INCENP: variants seen among roughly 807,000 people sequenced by gnomAD.
The protein encoded by INCENP is inner centromere protein, also known as binds and activates aurora-B and -C in vivo and in vitro.
A neutral mutation model predicts 107.3 loss-of-function variants in INCENP; 43 were observed. The ratio of observed to expected loss-of-function variants is 0.40; its 90% CI spans 0.31 to 0.52. The LOEUF (loss-of-function observed/expected upper bound fraction) is 0.52, where lower values mean the gene tolerates loss of function less well. INCENP is among the 20% of genes least tolerant of loss of function. The pLI is 0.53. For synonymous variants in INCENP, 488 were observed against 494.4 expected, an observed-to-expected ratio of 0.99 and a Z score of 0.17; for missense variants, 1,089 against 1,250.9, an observed-to-expected ratio of 0.87 and a Z score of 1.95.
rs1944343401 is a variant in INCENP, at chr11:62,150,150, G to A, written c.2485G>A (p.Asp829Asn). The A allele has an allele frequency of 1.9e-6, 3 of 1,613,950 alleles. No homozygotes were observed. The highest frequency in any genetic ancestry group is 2.5e-6 in the Non-Finnish European group (3 of 1,180,034). Residue 829 changes from aspartate (D) to asparagine (N), a missense_variant, in exon 18 of 19, where the codon GAC becomes AAC. By Grantham distance (23) the Asp-to-Asn change is conservative. Transcript: ENST00000394818. ...PDNYGMDLNSDDSTDDEAHPR... is the reference protein window; with the variant it reads ...PDNYGMDLNSNDSTDDEAHPR... ...TAACTACGGGATGGATCTGAATAGC[G>A]ACGACTCCACCGATGATGAGGCCCA...
chr11:62,149,183 C>T (rs932180298), intron 17 of INCENP, among the ~76,000 whole-genome samples: 1 of 151,818 alleles, frequency 6.6e-6, no homozygotes, highest in South Asian at 2.1e-4. Context: ...CTCTCTCTCT[C>T]TTTCACCCAT....
chr11:62,135,952 G>A (rs1213249340), intron 4 of INCENP, among the ~76,000 whole-genome samples: 1 of 152,106 alleles, frequency 6.6e-6, no homozygotes, highest in African/African-American at 2.4e-5. Context: ...TGGGACTACA[G>A]GCGCCCACCA....
rs778849975 is a variant in INCENP at position 62,146,858 on chromosome 11, AGAGCAGGAGCGTCGGCGG to A, written c.2172_2189del (p.Arg725_Arg730del). 13 of 1,582,942 alleles carry A rather than the reference AGAGCAGGAGCGTCGGCGG, an allele frequency of 8.2e-6. No homozygotes were observed. Among genetic ancestry groups the A allele is most frequent in the East Asian group, 2.3e-5 (1 of 43,884 alleles). On this transcript the variant is annotated inframe_deletion, in exon 15 of 19. Transcript: ENST00000394818. ...GGCGCGAGCAGGAGCGACAGCTGGC[AGAGCAGGAGCGTCGGCGG>A]GAGCAGGAGCGGCTCCAGGCCGAGA...
intron 4 of INCENP, 111 bp downstream of exon 4, chr11:62,130,701 G>A: frequency 2.1e-6 from 2 of 950,180 alleles, no homozygotes; most frequent in African/African-American, 1.7e-5. Context: ...CTGCAGTGAG[G>A]TAGATGTTAC....
At chr11:62,127,849 G>A (rs1001178216) in intron 1 of INCENP, among the ~76,000 whole-genome samples, 1 of 152,100 alleles carries the variant, frequency 6.6e-6, no homozygotes, top group Admixed American at 6.5e-5. Context: ...AAGGAGGACT[G>A]TCAATGTCAG....
chr11:62,130,868 C>T (rs1462174954), intron 4 of INCENP, among the ~76,000 whole-genome samples: 5 of 152,320 alleles, frequency 3.3e-5, no homozygotes, highest in African/African-American at 7.2e-5. Context: ...GTGGCTTCCA[C>T]GTTGGATGGT....
In INCENP at chr11:62,141,043, A is replaced by T. The variant is rs1160305249; in HGVS notation, c.1592A>T (p.Lys531Met). The T allele has an allele frequency of 5.6e-6, 9 of 1,612,832 alleles. No individual in the cohort carries two copies. Among genetic ancestry groups the T allele is most frequent in the Non-Finnish European group, 7.6e-6 (9 of 1,179,548 alleles). The change falls in exon 10 of 19, where the codon AAG becomes ATG. Residue 531 changes from lysine to methionine, a missense_variant and splice_region_variant. Coordinates refer to ENST00000394818, the MANE Select transcript of INCENP (RefSeq NM_001040694.2). ...AACACTCCCCTGCGCATGGACCCCA[A>T]GGTGAGGGGCCTGTGCCCAGGCCGG... is the stretch of plus-strand genomic sequence containing the variant. ...KRNTPLRMDP[K>M]CSFVEKERQR...
In INCENP at chr11:62,151,935, A is replaced by G. The variant is rs1319870040; in HGVS notation, c.2716A>G (p.Arg906Gly). 6.2e-6 allele frequency: 10 copies of G among 1,612,734 alleles called. No individual in the cohort carries two copies. Among genetic ancestry groups the G allele is most frequent in the African/African-American group, 1.3e-5 (1 of 74,938 alleles). ...VWNSPPLQGA[R>G]VPSSLAYSLK... ...GAACTCACCGCCCCTGCAGGGCGCC[A>G]GGGTCCCCAGCAGCCTGGCCTACAG... The change falls in exon 19 of 19, where the codon AGG becomes GGG. Residue 906 changes from arginine to glycine, a missense_variant. Physicochemically the swap from Arg to Gly is moderately radical, Grantham distance 125. Coordinates refer to ENST00000394818, the MANE Select transcript of INCENP (RefSeq NM_001040694.2).
intron 17 of INCENP, among the ~76,000 whole-genome samples, chr11:62,149,789 G>A (rs1944333842): frequency 6.6e-6 from 1 of 152,154 alleles, no homozygotes; most frequent in Middle Eastern, 3.4e-3. Flanking sequence ...GGGTGTGGTG[G>A]TGCACACCTG....
rs750670344 is a variant in INCENP, at chr11:62,151,987, C to T, written c.*11C>T. On this transcript the variant is annotated 3_prime_UTR_variant, in exon 19 of 19. Coordinates refer to ENST00000394818, the MANE Select transcript of INCENP (RefSeq NM_001040694.2). ...CTGAAGAAGCACTGAGGCTGGCCTG[C>T]GGCCTTCTTGGCAGCCTCGCCTCCT... 2.1e-5 allele frequency: 33 copies of T among 1,600,264 alleles called. No individual in the cohort carries two copies. The highest frequency in any genetic ancestry group is 1.2e-4 in the African/African-American group (9 of 74,742).
At chr11:62,150,353 G>A in intron 18 of INCENP, 146 bp downstream of exon 18, 1 of 798,694 alleles carries the variant, frequency 1.3e-6, no homozygotes, top group South Asian at 1.7e-5. Context: ...CCTTGGGTAT[G>A]CATGTGCCCT....
At chr11:62,132,786 C>G (rs1022211428) in intron 4 of INCENP, among the ~76,000 whole-genome samples, 1 of 152,162 alleles carries the variant, frequency 6.6e-6, no homozygotes, top group Non-Finnish European at 1.5e-5. Context: ...ACTCCCAGCC[C>G]AGCATCATCT....
At position 62,151,941 on chromosome 11, in the gene INCENP, C is replaced by T; in HGVS notation, c.2722C>T (p.Pro908Ser). 1 of 1,612,550 alleles carries T rather than the reference C, an allele frequency of 6.2e-7. No individual in the cohort carries two copies. Among genetic ancestry groups the T allele is most frequent in the Non-Finnish European group, 8.5e-7 (1 of 1,179,998 alleles). Reference sequence around the variant, plus strand: ...ACCGCCCCTGCAGGGCGCCAGGGTCCCCAGCAGCCTGGCCTACAGCCTGAA... The same window carrying T: ...ACCGCCCCTGCAGGGCGCCAGGGTCTCCAGCAGCCTGGCCTACAGCCTGAA... ...NSPPLQGARV[P>S]SSLAYSLKKH Residue 908 changes from proline (P) to serine (S), a missense_variant, in exon 19 of 19, where the codon CCC becomes TCC. By Grantham distance (74) the Pro-to-Ser change is moderately conservative. Transcript: ENST00000394818.
intron 13 of INCENP, 93 bp from the exon 14 acceptor site, chr11:62,145,536 G>T: frequency 6.9e-7 from 1 of 1,456,398 alleles, no homozygotes; most frequent in Non-Finnish European, 9.2e-7. Context: ...AGGTGTGCAG[G>T]GGCAGGTGGG....
intron 13 of INCENP, 119 bp from the exon 14 acceptor site, chr11:62,145,510 G>C (rs1327125038): frequency 2.9e-6 from 4 of 1,371,942 alleles, no homozygotes; most frequent in African/African-American, 1.5e-5. Flanking sequence ...CTCTCCCTGG[G>C]TGGTGGGAAC....
intron 14 of INCENP, 36 bp downstream of exon 14, chr11:62,145,787 C>CG (rs1565100825): frequency 6.5e-7 from 1 of 1,538,110 alleles, no homozygotes; most frequent in East Asian, 2.4e-5. Context: ...AGGAGGTGGG[C>CG]GGGGTGGGCG....
At chr11:62,144,906 C>A in intron 11 of INCENP, 76 bp from the exon 12 acceptor site, 1 of 1,325,926 alleles carries the variant, frequency 7.5e-7, no homozygotes, top group Admixed American at 1.8e-5. Context: ...CTGCTGGGGA[C>A]TGTGGGCAGC....
chr11:62,130,334 G>A lies in INCENP; in HGVS notation c.807G>A (p.Ser269=), dbSNP rs35656141. Residue 269 remains serine, a synonymous_variant, in exon 4 of 19, where the codon TCG becomes TCA. Transcript: ENST00000394818. ...AGGTCTCCCCTGGCCCACGGGACTC[G>A]CCAGCCTTTCCAGATTCTCCATGGC... is the stretch of plus-strand genomic sequence containing the variant. ...IAQVSPGPRD[S]PAFPDSPWRE... 114 of 1,611,542 alleles carry A rather than the reference G, an allele frequency of 7.1e-5. No individual in the cohort carries two copies. In the East Asian group the frequency reaches 2.1e-3, roughly 30 times the overall value.
intron 4 of INCENP, among the ~76,000 whole-genome samples, chr11:62,132,923 C>T (rs1477576923): frequency 6.6e-6 from 1 of 152,210 alleles, no homozygotes; most frequent in Non-Finnish European, 1.5e-5. Context: ...ATGGTGATAA[C>T]ACTTGCTTTG....
Sources: gnomAD v4.1 joint callset for allele counts (sites outside exome capture counted in the v4.1 genomes callset) on GRCh38, gnomAD v4.1.1 for gene constraint, MANE v1.5 for transcripts, NCBI Gene and HGNC (gene_info 2026-07-23, HGNC 2026-07-21) for gene names.